The following GALK2 variants were observed in gnomAD, a reference collection of about 807,000 sequenced individuals.
The protein encoded by GALK2 is N-acetylgalactosamine kinase.
In GALK2, 36 loss-of-function variants were observed where a neutral mutation model predicts 52.4. The observed-to-expected ratio is 0.69, with a 90% CI of 0.53 to 0.91. GALK2 has a LOEUF of 0.91. GALK2 is among the 40% of genes least tolerant of loss of function. The pLI, the probability that GALK2 is intolerant of heterozygous loss-of-function variation, is 0.00. For synonymous variants in GALK2, 176 were observed against 199.1 expected (o/e 0.88, Z 0.98); for missense variants, 579 against 559.1 (o/e 1.04, Z -0.36).
At chr15:49,160,232 G>A (rs1008952527) in intron 1 of GALK2, among the ~76,000 whole-genome samples, 4 of 151,730 alleles carry the variant, frequency 2.6e-5, no homozygotes, top group African/African-American at 4.8e-5. Flanking sequence ...CCAAGATTGC[G>A]CCACTGTACT....
At chr15:49,192,965 A>T (rs1384068992) in intron 1 of GALK2, among the ~76,000 whole-genome samples, 1 of 148,518 alleles carries the variant, frequency 6.7e-6, no homozygotes, top group Non-Finnish European at 1.5e-5. Context: ...TCATTATGAA[A>T]CTATCTTTTG....
chr15:49,323,681 T>C (rs1025033609), intron 9 of GALK2, among the ~76,000 whole-genome samples: 5 of 152,130 alleles, frequency 3.3e-5, no homozygotes, highest in Non-Finnish European at 7.3e-5. Context: ...ACTTAGCATA[T>C]AGGACAATGT....
At chr15:49,242,698 C>T (rs912116313) in intron 5 of GALK2, among the ~76,000 whole-genome samples, 1 of 152,112 alleles carries the variant, frequency 6.6e-6, no homozygotes, top group Non-Finnish European at 1.5e-5. Context: ...AACAATATGG[C>T]TAATCACCCA....
chr15:49,271,508 A>C (rs1392017409), intron 5 of GALK2, among the ~76,000 whole-genome samples: 1 of 152,178 alleles, frequency 6.6e-6, no homozygotes, highest in Non-Finnish European at 1.5e-5. Context: ...CCTTTCCCTG[A>C]GAGATAAAGT....
At chr15:49,234,708 A>G (rs1264056933) in intron 3 of GALK2, among the ~76,000 whole-genome samples, 1 of 152,120 alleles carries the variant, frequency 6.6e-6, no homozygotes, top group Non-Finnish European at 1.5e-5. Context: ...ACGTGTGAGA[A>G]TTATGGGAGC....
chr15:49,260,826 C>G (rs2092069271), intron 5 of GALK2, among the ~76,000 whole-genome samples: 1 of 152,178 alleles, frequency 6.6e-6, no homozygotes, highest in Middle Eastern at 3.4e-3. Flanking sequence ...AATAGGGAAT[C>G]CTTTCCCCAT....
intron 1 of GALK2, chr15:49,195,058 A>AT: frequency 2.2e-6 from 1 of 450,934 alleles, no homozygotes; most frequent in Middle Eastern, 4.3e-4. Context: ...ATATCTTTTC[A>AT]TTTCTTATTT....
chr15:49,199,912 T>C (rs2087588903), intron 1 of GALK2, among the ~76,000 whole-genome samples: 1 of 152,250 alleles, frequency 6.6e-6, no homozygotes, highest in African/African-American at 2.4e-5. Flanking sequence ...TTCTGATGAC[T>C]ATTCAATTCC....
chr15:49,173,648 C>T (rs963341500), intron 1 of GALK2, among the ~76,000 whole-genome samples: 1 of 151,902 alleles, frequency 6.6e-6, no homozygotes, highest in Non-Finnish European at 1.5e-5. Context: ...CACATAAGTC[C>T]AATAATTATA....
At chr15:49,333,674 G>C (rs1837145444), downstream of GALK2, among the ~76,000 whole-genome samples, 1 of 152,224 alleles carries the variant, frequency 6.6e-6, no homozygotes, top group Non-Finnish European at 1.5e-5. Flanking sequence ...GTATTTAGAA[G>C]TGTGAAGTGT....
intron 1 of GALK2, chr15:49,193,920 G>C (rs2086977021): frequency 6.6e-6 from 1 of 151,756 alleles, no homozygotes; most frequent in East Asian, 2.0e-4. Flanking sequence ...GTAGAGACGG[G>C]GTTTCACTGT....
rs181254869 is a variant in GALK2, at chr15:49,269,436, T to C, written c.505-12551T>C. Reference sequence around the variant, plus strand: ...AGAGTTGTGCCCAAGAACCCACATTTTGGAAGACAGGACAAAATGGAAATT... The same window carrying C: ...AGAGTTGTGCCCAAGAACCCACATTCTGGAAGACAGGACAAAATGGAAATT... On this transcript the variant is annotated intron_variant, in intron 5 of 9. Transcript: ENST00000560031. Among the ~76,000 whole-genome samples the C allele has an allele frequency of 4.6e-5, 7 of 152,286 alleles. No individual in the cohort carries two copies. In the East Asian group the frequency reaches 9.6e-4, roughly 21 times the overall value.
intron 3 of GALK2, among the ~76,000 whole-genome samples, chr15:49,232,685 G>A (rs2090569344): frequency 6.6e-6 from 1 of 152,154 alleles, no homozygotes; most frequent in Non-Finnish European, 1.5e-5. Flanking sequence ...GCTATATCTT[G>A]ACTGCTTTGC....
At position 49,329,608 on chromosome 15, in the gene GALK2, A is replaced by G; in HGVS notation, c.*1449A>G. ...CTATTTAAAAATAAACTTCTGATGC[A>G]TTTTCATTCTTAGCAGAAAGGTAAA... is the stretch of plus-strand genomic sequence containing the variant. On this transcript the variant is annotated 3_prime_UTR_variant, in exon 10 of 10. Transcript: ENST00000560031. 1.0e-6 allele frequency: 1 copy of G among 984,804 alleles called. No individual in the cohort carries two copies. The highest frequency in any genetic ancestry group is 1.2e-6 in the Non-Finnish European group (1 of 829,324). The allele number at this position is 984,804 out of a possible 1,614,324, so 61.0% of individuals were successfully genotyped here.
At chr15:49,268,774 A>T (rs1217333205) in intron 5 of GALK2, among the ~76,000 whole-genome samples, 1 of 152,212 alleles carries the variant, frequency 6.6e-6, no homozygotes, top group Non-Finnish European at 1.5e-5. Flanking sequence ...GGCAGTGTGT[A>T]AAATGGATTT....
intron 5 of GALK2, among the ~76,000 whole-genome samples, chr15:49,281,518 G>A (rs2032695372): frequency 6.6e-6 from 1 of 152,186 alleles, no homozygotes; most frequent in South Asian, 2.1e-4. Context: ...ACATTTAATG[G>A]AAATGCCAGA....
chr15:49,164,709 A>C (rs1195716220), intron 1 of GALK2, among the ~76,000 whole-genome samples: 2 of 141,868 alleles, frequency 1.4e-5, no homozygotes, highest in Non-Finnish European at 3.0e-5. Flanking sequence ...TGAACCCAGC[A>C]GGCGGAGGTT....
intron 5 of GALK2, among the ~76,000 whole-genome samples, chr15:49,270,469 G>A (rs891730156): frequency 6.6e-6 from 1 of 152,150 alleles, no homozygotes; most frequent in Non-Finnish European, 1.5e-5. Flanking sequence ...CCTCTGCAAT[G>A]TCTGAAAACA....
chr15:49,355,134 T>C lies in GALK2; in HGVS notation c.427-12357T>C, dbSNP rs1479751195. On this transcript the variant is annotated intron_variant, in intron 3 of 3. Coordinates refer to the GALK2 transcript ENST00000558399. Reference sequence around the variant, plus strand: ...CCAAAAGTAGATAAAACCACAAAGATGGGGAAAAAACAGAACAGAAAAACT... The same window carrying C: ...CCAAAAGTAGATAAAACCACAAAGACGGGGAAAAAACAGAACAGAAAAACT... Among the ~76,000 whole-genome samples the C allele has an allele frequency of 2.7e-5, 4 of 150,730 alleles. No individual in the cohort carries two copies. In the South Asian group the frequency reaches 8.4e-4, roughly 32 times the overall value.
Sources: gnomAD v4.1 joint callset for allele counts (sites outside exome capture counted in the v4.1 genomes callset) on GRCh38, gnomAD v4.1.1 for gene constraint, MANE v1.5 for transcripts, NCBI Gene and HGNC (gene_info 2026-07-23, HGNC 2026-07-21) for gene names.